MINDY4: variants seen among roughly 807,000 people sequenced by gnomAD.
MINDY4 encodes MINDY lysine 48 deubiquitinase 4.
In MINDY4, 68 loss-of-function variants were observed where a neutral mutation model predicts 87.0. The ratio of observed to expected loss-of-function variants is 0.78; its 90% confidence interval spans 0.64 to 0.96. The LOEUF (loss-of-function observed/expected upper bound fraction) is 0.96. Among genes scored for constraint, MINDY4 ranks in the 40% least tolerant of loss-of-function variants. MINDY4 has a pLI of 0.00. For missense variants in MINDY4, 919 were observed against 928.2 expected (o/e 0.99, Z 0.13); for synonymous variants, 379 against 363.2 (o/e 1.04, Z -0.50).
Position 30,892,327 on chromosome 7 carries a change from G to A in MINDY4, c.*322G>A, listed in dbSNP as rs541125645. On this transcript the variant is annotated 3_prime_UTR_variant, in exon 18 of 18. Transcript: ENST00000265299. Reference sequence around the variant, plus strand: ...GTCCCTCACCCAGGCCTCCAATGTGGTTGGCCCTGGGGACTCATTACTTCT... The same window carrying A: ...GTCCCTCACCCAGGCCTCCAATGTGATTGGCCCTGGGGACTCATTACTTCT... The A allele has an allele frequency of 5.5e-6, 2 of 363,944 alleles. No homozygotes were observed. The highest frequency in any genetic ancestry group is 4.2e-5 in the Admixed American group (1 of 23,598). The allele number at this position is 363,944 out of a possible 1,614,324, so 22.5% of individuals were successfully genotyped here. A position where few individuals can be genotyped will look rare whatever the true frequency, so the allele number is the denominator to read the frequency against.
intron 5 of MINDY4, chr7:30,796,835 T>TAG (rs1447950152): frequency 6.6e-6 from 1 of 150,966 alleles, no homozygotes; most frequent in African/African-American, 2.4e-5. Flanking sequence ...CTCTTCATGT[T>TAG]ACAGATCCTT....
rs551594075 is a variant in MINDY4 at position 30,803,438 on chromosome 7, A to G, written c.1073+11864A>G. ...AGAATTAGTGACTTAGCACACAGAA[A>G]AAGTCAACTAAAAATAGCAGGCAGA... is the stretch of plus-strand genomic sequence containing the variant. On this transcript the variant is annotated intron_variant, in intron 5 of 17. Coordinates refer to ENST00000265299, the MANE Select transcript of MINDY4 (RefSeq NM_032222.3). The G allele has an allele frequency of 5.8e-4, 88 of 152,346 alleles. 4 individuals are homozygous for G. The highest frequency in any genetic ancestry group is 6.5e-5 in the Admixed American group (1 of 15,306). 9.4% of individuals were successfully genotyped at this position (152,346 alleles called of 1,614,324 possible).
intron 17 of MINDY4, among the ~76,000 whole-genome samples, chr7:30,883,663 A>G (rs1790541639): frequency 6.6e-6 from 1 of 152,138 alleles, no homozygotes; most frequent in South Asian, 2.1e-4. Context: ...GTGGTGCGGT[A>G]GCTGTCAGAA....
At chr7:30,855,363 G>A (rs975647904) in intron 12 of MINDY4, among the ~76,000 whole-genome samples, 1 of 152,228 alleles carries the variant, frequency 6.6e-6, no homozygotes, top group Non-Finnish European at 1.5e-5. Context: ...TTGATCCGGA[G>A]TGTTGTGAGA....
At chr7:30,889,560 G>T (rs965634331) in intron 17 of MINDY4, among the ~76,000 whole-genome samples, 3 of 152,212 alleles carry the variant, frequency 2.0e-5, no homozygotes, top group African/African-American at 7.2e-5. Context: ...TACGGCACCA[G>T]TGTCTCTTAT....
intron 17 of MINDY4, among the ~76,000 whole-genome samples, chr7:30,891,650 A>G (rs1790794972): frequency 6.6e-6 from 1 of 151,988 alleles, no homozygotes; most frequent in Admixed American, 6.6e-5. Flanking sequence ...TGGATCATTC[A>G]TGTCAGTGGA....
At chr7:30,772,100 G>C (rs55827436) in intron 1 of MINDY4, among the ~76,000 whole-genome samples, 19,845 of 152,244 alleles carry the variant, frequency 0.13, 1,757 homozygotes, top group African/African-American at 0.24. Context: ...GAGAGTTTTT[G>C]CAGTGTTCAC....
intron 15 of MINDY4, 66 bp from the exon 16 acceptor site, chr7:30,882,115 A>C: frequency 6.8e-7 from 1 of 1,479,076 alleles, no homozygotes; most frequent in Non-Finnish European, 9.2e-7. Flanking sequence ...CTTGAGTCAG[A>C]CAGAAAAATG....
chr7:30,809,380 A>G (rs1270664239), intron 5 of MINDY4, among the ~76,000 whole-genome samples: 1 of 151,044 alleles, frequency 6.6e-6, no homozygotes, highest in Non-Finnish European at 1.5e-5. Context: ...CCTAAGGAAA[A>G]AAAAAAAAAA....
chr7:30,824,782 C>T (rs1313239660), intron 5 of MINDY4, among the ~76,000 whole-genome samples: 1 of 152,094 alleles, frequency 6.6e-6, no homozygotes, highest in Non-Finnish European at 1.5e-5. Context: ...ATATGTTGCC[C>T]AGGCTGGCCT....
intron 15 of MINDY4, among the ~76,000 whole-genome samples, chr7:30,875,898 G>T (rs1365736014): frequency 6.6e-6 from 1 of 152,180 alleles, no homozygotes; most frequent in African/African-American, 2.4e-5. Context: ...AGGACTTCGA[G>T]GGATTTCTGC....
At chr7:30,883,444 G>C (rs764329637) in intron 17 of MINDY4, among the ~76,000 whole-genome samples, 1 of 152,188 alleles carries the variant, frequency 6.6e-6, no homozygotes, top group East Asian at 1.9e-4. Flanking sequence ...CTCTGCTTGC[G>C]GAGGAGCCGG....
intron 5 of MINDY4, among the ~76,000 whole-genome samples, chr7:30,817,706 A>G (rs921006177): frequency 9.9e-5 from 15 of 152,158 alleles, no homozygotes; most frequent in African/African-American, 3.4e-4. Flanking sequence ...AACTCCGGCA[A>G]AAGGGAGGCT....
chr7:30,866,928 C>A (rs537842171), intron 13 of MINDY4, among the ~76,000 whole-genome samples: 54 of 152,314 alleles, frequency 3.5e-4, no homozygotes, highest in Non-Finnish European at 5.4e-4. Flanking sequence ...TCTCCCCCTG[C>A]CTCCTGGGCT....
intron 13 of MINDY4, among the ~76,000 whole-genome samples, chr7:30,861,245 C>T (rs1288745755): frequency 6.6e-6 from 1 of 152,220 alleles, no homozygotes; most frequent in Non-Finnish European, 1.5e-5. Context: ...CCTCCCCTTC[C>T]CCTCTCCTAA....
intron 2 of MINDY4, chr7:30,779,825 G>A (rs1256578328): frequency 1.3e-5 from 2 of 152,204 alleles, no homozygotes; most frequent in Non-Finnish European, 2.9e-5. Context: ...TCAGCAGATT[G>A]GATTCGTATG....
chr7:30,885,710 C>CG (rs1388263587), intron 17 of MINDY4, among the ~76,000 whole-genome samples: 1 of 149,890 alleles, frequency 6.7e-6, no homozygotes, highest in Non-Finnish European at 1.5e-5. Context: ...GTGCCCACCC[C>CG]CCCCCCAACC....
chr7:30,818,688 C>T (rs959457903), intron 5 of MINDY4, among the ~76,000 whole-genome samples: 2 of 152,100 alleles, frequency 1.3e-5, no homozygotes, highest in Non-Finnish European at 2.9e-5. Flanking sequence ...TTTGGTGGAA[C>T]ACATCAGTAA....
chr7:30,816,539 C>T (rs950025109), intron 5 of MINDY4, among the ~76,000 whole-genome samples: 1 of 152,220 alleles, frequency 6.6e-6, no homozygotes, highest in Non-Finnish European at 1.5e-5. Flanking sequence ...CATGTGTTCT[C>T]TGCAGCCGAA....
Sources: allele counts gnomAD v4.1 joint callset (sites outside exome capture counted in the v4.1 genomes callset), GRCh38; gene constraint gnomAD v4.1.1; transcripts MANE v1.5; gene names NCBI Gene and HGNC (gene_info 2026-07-23, HGNC 2026-07-21).